Variants in SEMA5A observed in about 807,000 individuals in gnomAD.
The protein encoded by SEMA5A is semaphorin 5A.
SEMA5A carries 55 observed loss-of-function variants against 135.5 expected under a neutral mutation model. The ratio of observed to expected loss-of-function variants is 0.41; its 90% CI spans 0.33 to 0.51. The LOEUF is 0.51. Among genes scored for constraint, SEMA5A ranks in the 20% least tolerant of loss-of-function variants. The pLI is 0.37. For missense variants in SEMA5A, 1,290 were observed against 1,419.9 expected (o/e 0.91, Z 1.47); for synonymous variants, 580 against 546.5 (o/e 1.06, Z -0.85).
rs549611793 is a variant in SEMA5A at position 9,331,579 on chromosome 5, C to T, written c.224+6134G>A. On this transcript the variant is annotated intron_variant, in intron 4 of 22. Transcript: ENST00000382496. The stretch of plus-strand genomic sequence containing the variant: ...TAACCAATTAGAAACCACCAACTAA[C>T]CTCTAACTAGGGAGTTTCCACTTTA... 2.6e-5 allele frequency among the ~76,000 whole-genome samples: 4 copies of T among 152,302 alleles called. No homozygotes were observed. The South Asian group carries it at 8.3e-4, about 32-fold the overall frequency.
At position 9,066,490 on chromosome 5, in the gene SEMA5A, C is replaced by G; in HGVS notation, c.2230G>C (p.Glu744Gln). The change falls in exon 17 of 23, where the codon GAA becomes CAA. Residue 744 changes from glutamate (E) to glutamine (Q), a missense_variant. Around this residue, in one of 3 missense-constraint regions of SEMA5A, gnomAD observed 1,029 missense variants for 1,086.6 expected, o/e 0.95. Coordinates refer to ENST00000382496, the MANE Select transcript of SEMA5A (RefSeq NM_003966.3). ...ATTTCGATTCTCTGTCTTCCCACTT[C>G]CAGCAAATTCGGATCAGCCAGGCGG... ...KARLADPNLL[E>Q]VGRQRIEMRY... 2 of 1,614,192 alleles carry G rather than the reference C, an allele frequency of 1.2e-6. No homozygotes were observed. The highest frequency in any genetic ancestry group is 1.7e-6 in the Non-Finnish European group (2 of 1,180,038).
intron 11 of SEMA5A, among the ~76,000 whole-genome samples, chr5:9,185,343 G>A (rs542637586): frequency 6.6e-6 from 1 of 152,284 alleles, no homozygotes; most frequent in South Asian, 2.1e-4. Context: ...GAGTTCAGCA[G>A]CTAGAAGCAT....
At chr5:9,310,793 G>GCATATAAA (rs1298785222) in intron 5 of SEMA5A, among the ~76,000 whole-genome samples, 92 of 77,830 alleles carry the variant, frequency 1.2e-3, no homozygotes, top group African/African-American at 2.7e-3. Flanking sequence ...TTCATAGTTT[G>GCATATAAA]CATATATACA....
chr5:9,081,936 G>C (rs1323189053), intron 16 of SEMA5A, among the ~76,000 whole-genome samples: 1 of 152,130 alleles, frequency 6.6e-6, no homozygotes, highest in Non-Finnish European at 1.5e-5. Context: ...GACTCCACAG[G>C]GTACTAATGA....
intron 12 of SEMA5A, 63 bp downstream of exon 12, chr5:9,154,425 G>C: frequency 6.6e-7 from 1 of 1,525,066 alleles, no homozygotes; most frequent in East Asian, 2.3e-5. Context: ...AAGCCTCCCT[G>C]GCTCTCTCTG....
At chr5:9,142,244 G>A (rs1398962794) in intron 12 of SEMA5A, among the ~76,000 whole-genome samples, 1 of 152,166 alleles carries the variant, frequency 6.6e-6, no homozygotes, top group Non-Finnish European at 1.5e-5. Context: ...GTAGGGACTG[G>A]AACAAATGGG....
intron 2 of SEMA5A, among the ~76,000 whole-genome samples, chr5:9,416,805 A>G (rs1422857093): frequency 6.6e-6 from 1 of 152,200 alleles, no homozygotes; most frequent in Admixed American, 6.5e-5. Flanking sequence ...TACTACGGGT[A>G]TCTGTCAATA....
intron 13 of SEMA5A, among the ~76,000 whole-genome samples, chr5:9,135,984 C>T (rs1284605718): frequency 6.6e-6 from 1 of 152,158 alleles, no homozygotes; most frequent in African/African-American, 2.4e-5. Context: ...CCATAGAGTC[C>T]TCTATGGGAA....
At position 9,242,153 on chromosome 5, in the gene SEMA5A, T is replaced by C. The variant is rs540628101; in HGVS notation, c.271-4263A>G. On this transcript the variant is annotated intron_variant, in intron 5 of 22. Coordinates refer to ENST00000382496, the MANE Select transcript of SEMA5A (RefSeq NM_003966.3). ...AATCGTCAGGGTATGCAAGACTATA[T>C]CTTTGTTCAAAACTGAAACAAATGC... Among the ~76,000 whole-genome samples, 11 of 152,356 alleles carry C rather than the reference T, an allele frequency of 7.2e-5. No individual in the cohort carries two copies. The South Asian group carries it at 1.2e-3, about 17-fold the overall frequency.
At chr5:9,484,854 C>T (rs938887841) in intron 1 of SEMA5A, among the ~76,000 whole-genome samples, 2 of 152,114 alleles carry the variant, frequency 1.3e-5, no homozygotes, top group African/African-American at 4.8e-5. Context: ...CTCTCCTCCT[C>T]CACACCCTCC....
chr5:9,275,146 G>T (rs1750189175), intron 5 of SEMA5A, among the ~76,000 whole-genome samples: 2 of 151,906 alleles, frequency 1.3e-5, no homozygotes, highest in Non-Finnish European at 2.9e-5. Context: ...ATGATAAAGG[G>T]TATATCACTA....
At chr5:9,088,481 A>T (rs1032363275) in intron 16 of SEMA5A, among the ~76,000 whole-genome samples, 1 of 150,702 alleles carries the variant, frequency 6.6e-6, no homozygotes, top group Non-Finnish European at 1.5e-5. Flanking sequence ...ATGTTCCTCA[A>T]TATTAGAGGT....
Position 9,288,313 on chromosome 5 carries a change from C to G in SEMA5A, c.270+30059G>C, listed in dbSNP as rs1006324007. ...GGGATAAAGGGTCATAAAGGGAGAG[C>G]CAGGTGGGTGTGGCTGCTGCGGTGT... On this transcript the variant is annotated intron_variant, in intron 5 of 22. Transcript: ENST00000382496. Among the ~76,000 whole-genome samples the G allele has an allele frequency of 2.6e-5, 4 of 152,138 alleles. No individual in the cohort carries two copies. In the East Asian group the frequency reaches 7.7e-4, roughly 29 times the overall value.
intron 5 of SEMA5A, among the ~76,000 whole-genome samples, chr5:9,298,145 A>G (rs1751433016): frequency 6.6e-6 from 1 of 152,022 alleles, no homozygotes; most frequent in African/African-American, 2.4e-5. Context: ...GAGGTAATCA[A>G]GTTAAAATGA....
At chr5:9,487,260 C>T (rs1195813044) in intron 1 of SEMA5A, among the ~76,000 whole-genome samples, 1 of 152,144 alleles carries the variant, frequency 6.6e-6, no homozygotes, top group Admixed American at 6.6e-5. Context: ...TGGCAGCAGG[C>T]ATTATTCTAA....
At chr5:9,510,200 T>A (rs1392862758) in intron 1 of SEMA5A, among the ~76,000 whole-genome samples, 1 of 152,234 alleles carries the variant, frequency 6.6e-6, no homozygotes, top group African/African-American at 2.4e-5. Context: ...TATTCACTCA[T>A]TCAATCTTCT....
chr5:9,359,698 C>T (rs935595768), intron 3 of SEMA5A, among the ~76,000 whole-genome samples: 1 of 152,146 alleles, frequency 6.6e-6, no homozygotes, highest in African/African-American at 2.4e-5. Context: ...TTTATATTTG[C>T]CACCACTCCA....
At chr5:9,078,627 C>A (rs1003433164) in intron 16 of SEMA5A, among the ~76,000 whole-genome samples, 1 of 149,372 alleles carries the variant, frequency 6.7e-6, no homozygotes, top group South Asian at 2.1e-4. Flanking sequence ...ACATATGCAA[C>A]AATAAGAAAA....
chr5:9,459,012 A>G (rs1464178067), intron 1 of SEMA5A, among the ~76,000 whole-genome samples: 1 of 152,228 alleles, frequency 6.6e-6, no homozygotes, highest in Non-Finnish European at 1.5e-5. Context: ...TCACAAGAAA[A>G]TATGAACCAG....
Sources: allele counts gnomAD v4.1 joint callset (sites outside exome capture counted in the v4.1 genomes callset), GRCh38; gene constraint gnomAD v4.1.1; regional missense constraint gnomAD v4.1.1; transcripts MANE v1.5; gene names NCBI Gene and HGNC (gene_info 2026-07-23, HGNC 2026-07-21).